The following YJU2 variants were observed in gnomAD, a reference collection of about 807,000 sequenced individuals.
YJU2 encodes splicing factor YJU2.
Under a neutral mutation model 39.6 loss-of-function variants are expected in YJU2, and 28 were observed. The ratio of observed to expected loss-of-function variants is 0.71; its 90% CI spans 0.52 to 0.97. The LOEUF is 0.97. Among genes scored for constraint, YJU2 ranks in the 50% least tolerant of loss-of-function variants. The pLI, the probability that YJU2 is intolerant of heterozygous loss-of-function variation, is 0.00. For synonymous variants in YJU2, 184 were observed against 182.4 expected (o/e 1.01, Z -0.07); for missense variants, 328 against 430.4 (o/e 0.76, Z 2.11).
chr19:4,248,919 CAGAACA>C (rs1970952963), intron 1 of YJU2, among the ~76,000 whole-genome samples: 1 of 152,126 alleles, frequency 6.6e-6, no homozygotes, highest in Non-Finnish European at 1.5e-5. Context: ...AACTCCGTCT[CAGAACA>C]AAAACAAAAA....
Position 4,254,454 on chromosome 19 carries a change from G to C in YJU2, c.370G>C (p.Glu124Gln). The C allele has an allele frequency of 6.2e-7, 1 of 1,611,776 alleles. No homozygotes were observed. The highest frequency in any genetic ancestry group is 8.5e-7 in the Non-Finnish European group (1 of 1,179,016). ...LEEEEKRVQK[E>Q]REDEELNNPM... ...GGAGGAGGAGAAGAGGGTGCAGAAG[G>C]AGCGGGAGGACGAGGAGCTGAACAA... Residue 124 changes from glutamate to glutamine, a missense_variant, in exon 4 of 8, where the codon GAG becomes CAG. Glu to Gln is a conservative substitution (Grantham distance 29). Around this residue, in one of 2 missense-constraint regions of YJU2, gnomAD observed 84 missense variants for 165.8 expected, o/e 0.51. Coordinates refer to ENST00000262962, the MANE Select transcript of YJU2 (RefSeq NM_018074.6).
intron 5 of YJU2, among the ~76,000 whole-genome samples, chr19:4,260,235 C>G (rs1400534348): frequency 2.6e-5 from 4 of 152,062 alleles, no homozygotes; most frequent in African/African-American, 7.2e-5. Flanking sequence ...ACCAGCCTGG[C>G]CAACATGGCG....
intron 1 of YJU2, among the ~76,000 whole-genome samples, chr19:4,247,633 GTGTGTGTGT>G (rs1970938326): frequency 7.8e-5 from 5 of 64,320 alleles, no homozygotes; most frequent in East Asian, 5.0e-4. Flanking sequence ...GTGTGTGTGT[GTGTGTGTGT>G]GTGTGTGTGT....
At chr19:4,256,887 C>A (rs1971026145) in intron 4 of YJU2, among the ~76,000 whole-genome samples, 1 of 152,204 alleles carries the variant, frequency 6.6e-6, no homozygotes, top group South Asian at 2.1e-4. Flanking sequence ...TGTGCTTTTA[C>A]ATCCTAGTCT....
chr19:4,254,628 G>A, intron 4 of YJU2, 139 bp downstream of exon 4: 1 of 1,266,340 alleles, frequency 7.9e-7, no homozygotes, highest in Non-Finnish European at 1.1e-6. Context: ...ACTTTAAGAT[G>A]TCCCCAGGAG....
intron 5 of YJU2, among the ~76,000 whole-genome samples, chr19:4,261,096 G>T (rs1487474574): frequency 1.3e-5 from 2 of 152,128 alleles, no homozygotes; most frequent in Non-Finnish European, 2.9e-5. Flanking sequence ...GTCTTGCTGT[G>T]TTGCCCAGGC....
chr19:4,251,013 A>G lies in YJU2; in HGVS notation c.126-14A>G, dbSNP rs1399668378. 7 of 1,613,610 alleles carry G rather than the reference A, an allele frequency of 4.3e-6. No individual in the cohort carries two copies. Among genetic ancestry groups the G allele is most frequent in the Admixed American group, 1.7e-5 (1 of 59,966 alleles). On this transcript the variant is annotated splice_polypyrimidine_tract_variant and intron_variant, in intron 2 of 7. Coordinates refer to ENST00000262962, the MANE Select transcript of YJU2 (RefSeq NM_018074.6). ...GTCCCAAGACAGCTCACATCCCTACATGCTGCCCCGCAGGTGTAAGACGTG... is the reference window on the plus strand; with the variant it reads ...GTCCCAAGACAGCTCACATCCCTACGTGCTGCCCCGCAGGTGTAAGACGTG...
chr19:4,255,403 G>A (rs1254860865), intron 4 of YJU2, among the ~76,000 whole-genome samples: 1 of 151,884 alleles, frequency 6.6e-6, no homozygotes, highest in Non-Finnish European at 1.5e-5. Flanking sequence ...GGGCAACATA[G>A]TGAGACTCTG....
At chr19:4,247,210 A>G in intron 1 of YJU2, 40 bp downstream of exon 1, 1 of 1,571,836 alleles carries the variant, frequency 6.4e-7, no homozygotes. Flanking sequence ...TCGGAGCAGG[A>G]CATCCCGGAA....
At chr19:4,247,305 A>G in intron 1 of YJU2, 135 bp downstream of exon 1, 1 of 733,154 alleles carries the variant, frequency 1.4e-6, no homozygotes, top group Non-Finnish European at 2.3e-6. Context: ...GGCTTCCCAG[A>G]CTCCTCCCTA....
chr19:4,247,654 T>C (rs1434568396), intron 1 of YJU2, among the ~76,000 whole-genome samples: 1,305 of 65,064 alleles, frequency 0.02, 196 homozygotes, highest in African/African-American at 0.034. Flanking sequence ...TGTGTGTGTG[T>C]GTGTGTGTGT....
Position 4,269,019 on chromosome 19 carries a change from G to T in YJU2, c.*323G>T. 1 of 328,104 alleles carries T rather than the reference G, an allele frequency of 3.0e-6. No individual in the cohort carries two copies. Among genetic ancestry groups the T allele is most frequent in the Non-Finnish European group, 5.7e-6 (1 of 174,036 alleles). 20.3% of individuals were successfully genotyped at this position (328,104 alleles called of 1,614,324 possible). ...AGTGTTTGGGGCACTGGGCGAGCCTGCCGGCCTCTAGATGGCCTCATCTCT... is the reference window on the plus strand; with the variant it reads ...AGTGTTTGGGGCACTGGGCGAGCCTTCCGGCCTCTAGATGGCCTCATCTCT... On this transcript the variant is annotated 3_prime_UTR_variant, in exon 8 of 8. Transcript: ENST00000262962.
At position 4,265,089 on chromosome 19, in the gene YJU2, C is replaced by T. The variant is rs189370905; in HGVS notation, c.709-2535C>T. ...GAGTAAAGGTACTTTGAAAGCAGTC[C>T]AACCTTTTTTGATTTACTCCCTCAG... On this transcript the variant is annotated intron_variant, in intron 6 of 7. Coordinates refer to ENST00000262962, the MANE Select transcript of YJU2 (RefSeq NM_018074.6). Among the ~76,000 whole-genome samples, 6 of 151,882 alleles carry T rather than the reference C, an allele frequency of 4.0e-5. No homozygotes were observed. The East Asian group carries it at 9.7e-4, about 25-fold the overall frequency.
intron 6 of YJU2, among the ~76,000 whole-genome samples, chr19:4,266,729 C>T (rs1189683284): frequency 1.3e-5 from 2 of 152,330 alleles, no homozygotes; most frequent in African/African-American, 4.8e-5. Flanking sequence ...CGCCTGTCAT[C>T]CCAGCTCTTT....
chr19:4,264,232 A>AG (rs1971097241), intron 6 of YJU2, among the ~76,000 whole-genome samples: 1 of 130,292 alleles, frequency 7.7e-6, no homozygotes, highest in African/African-American at 3.0e-5. Flanking sequence ...ACTGCACTCC[A>AG]GCCTGGGCGA....
intron 3 of YJU2, among the ~76,000 whole-genome samples, chr19:4,251,703 G>T (rs1347823659): frequency 7.5e-6 from 1 of 133,392 alleles, no homozygotes; most frequent in African/African-American, 3.0e-5. Flanking sequence ...AAAAAAAAAA[G>T]CCAGGCACAG....
At chr19:4,259,259 T>G (rs924213947) in intron 5 of YJU2, among the ~76,000 whole-genome samples, 1 of 151,678 alleles carries the variant, frequency 6.6e-6, no homozygotes, top group Non-Finnish European at 1.5e-5. Context: ...TTTGTAATTT[T>G]TAGTAGAGAT....
intron 6 of YJU2, among the ~76,000 whole-genome samples, chr19:4,265,581 A>C (rs1407620037): frequency 6.7e-6 from 1 of 149,438 alleles, no homozygotes; most frequent in Non-Finnish European, 1.5e-5. Context: ...CAGGTTTGGG[A>C]ACTAACCTAG....
intron 2 of YJU2, among the ~76,000 whole-genome samples, chr19:4,250,684 T>G (rs1182598423): frequency 1.3e-5 from 2 of 148,510 alleles, no homozygotes; most frequent in African/African-American, 2.5e-5. Flanking sequence ...AAGAGGGGGG[T>G]GGGGCAGCAT....
Sources: allele counts gnomAD v4.1 joint callset (sites outside exome capture counted in the v4.1 genomes callset), GRCh38; gene constraint gnomAD v4.1.1; regional missense constraint gnomAD v4.1.1; transcripts MANE v1.5; gene names NCBI Gene and HGNC (gene_info 2026-07-23, HGNC 2026-07-21).